Variants in C1orf198 observed in about 807,000 individuals in gnomAD.
The protein encoded by C1orf198 is chromosome 1 open reading frame 198, also known as uncharacterized protein C1orf198.
C1orf198 carries 17 observed loss-of-function variants against 31.4 expected under a neutral mutation model. The observed-to-expected ratio is 0.54, with a 90% confidence interval of 0.37 to 0.81. The LOEUF is 0.81. Among genes scored for constraint, C1orf198 ranks in the 40% least tolerant of loss-of-function variants. The pLI is 0.00. For synonymous variants in C1orf198, 175 were observed against 193.8 expected (o/e 0.90, Z 0.81); for missense variants, 401 against 450.3 (o/e 0.89, Z 0.99).
intron 2 of C1orf198, among the ~76,000 whole-genome samples, chr1:230,847,060 G>A (rs1441496014): frequency 7.6e-6 from 1 of 131,766 alleles, no homozygotes; most frequent in Non-Finnish European, 1.5e-5. Context: ...CCGAAATCCC[G>A]CCACTGCACT....
chr1:230,868,338 C>G lies in C1orf198; in HGVS notation c.175G>C (p.Ala59Pro). 2 of 1,595,740 alleles carry G rather than the reference C, an allele frequency of 1.3e-6. No individual in the cohort carries two copies. Among genetic ancestry groups the G allele is most frequent in the Non-Finnish European group, 1.7e-6 (2 of 1,172,028 alleles). ...KIREKYGPEW[A>P]RLPPAQQDEI... The stretch of plus-strand genomic sequence containing the variant: ...TCCTGCTGCGCGGGCGGCAGCCGCG[C>G]CCACTCGGGCCCGTACTTCTCGCGG... The change falls in exon 1 of 4, where the codon GCG (alanine) becomes CCG (proline). Residue 59 changes from alanine (A) to proline (P), a missense_variant. By Grantham distance (27) the Ala-to-Pro change is conservative. Transcript: ENST00000366663.
intron 2 of C1orf198, among the ~76,000 whole-genome samples, chr1:230,852,514 A>G (rs1375713236): frequency 6.6e-6 from 1 of 152,224 alleles, no homozygotes; most frequent in Non-Finnish European, 1.5e-5. Flanking sequence ...GTATCAAAAC[A>G]TCTTGTTGTA....
chr1:230,838,027 T>C lies in C1orf198; in HGVS notation c.*1825A>G, dbSNP rs551499566. 1.3e-5 allele frequency: 2 copies of C among 152,340 alleles called. No homozygotes were observed. Among genetic ancestry groups the C allele is most frequent in the Admixed American group, 6.5e-5 (1 of 15,304 alleles). 9.4% of individuals were successfully genotyped at this position (152,340 alleles called of 1,614,324 possible). On this transcript the variant is annotated 3_prime_UTR_variant, in exon 4 of 4. Coordinates refer to ENST00000366663, the MANE Select transcript of C1orf198 (RefSeq NM_032800.3). The surrounding 1 kb of genome is among the most constrained non-coding windows in gnomAD (Gnocchi z 4.2). ...ACCAACACTACAGAATACAAACTCA[T>C]ACATATACATTTGCTACCATAGGTT...
At chr1:230,868,080 CT>C in intron 1 of C1orf198, 99 bp downstream of exon 1, 1 of 1,229,142 alleles carries the variant, frequency 8.1e-7, no homozygotes, top group Non-Finnish European at 1.0e-6. Flanking sequence ...TTTCCAGCCC[CT>C]ACCAGCTGGG....
In C1orf198 at chr1:230,843,332, C is replaced by A; in HGVS notation, c.927+22G>T. On this transcript the variant is annotated intron_variant, in intron 3 of 3. Coordinates refer to ENST00000366663, the MANE Select transcript of C1orf198 (RefSeq NM_032800.3). This position sits in a 1 kb window ranked among gnomAD's most constrained non-coding sequence, Gnocchi z 4.9. ...AATAAGGCACCATCCCATCTGAGGA[C>A]GCGCTGGTAAAGGCCACTCACCTGT... 6.5e-7 allele frequency: 1 copy of A among 1,550,334 alleles called. No individual in the cohort carries two copies. The highest frequency in any genetic ancestry group is 8.7e-7 in the Non-Finnish European group (1 of 1,146,332).
At position 230,840,339 on chromosome 1, in the gene C1orf198, G is replaced by C. The variant is rs904387496; in HGVS notation, c.928-431C>G. Among the ~76,000 whole-genome samples, 1 of 152,176 alleles carries C rather than the reference G, an allele frequency of 6.6e-6. No homozygotes were observed. Among genetic ancestry groups the C allele is most frequent in the African/African-American group, 2.4e-5 (1 of 41,446 alleles). On this transcript the variant is annotated intron_variant, in intron 3 of 3. Coordinates refer to ENST00000366663, the MANE Select transcript of C1orf198 (RefSeq NM_032800.3). This position sits in a 1 kb window ranked among gnomAD's most constrained non-coding sequence, Gnocchi z 4.0. ...AAAAAGAACTTGTAAAGTTGAGAAA[G>C]TAAACATAGTGTGGAAAGAATGTGA...
intron 1 of C1orf198, among the ~76,000 whole-genome samples, chr1:230,861,553 C>T (rs1227110998): frequency 6.6e-6 from 1 of 152,204 alleles, no homozygotes; most frequent in East Asian, 1.9e-4. Flanking sequence ...ACGCCAACAG[C>T]GTGCAACGGG....
rs1292070097 is a variant in C1orf198 at position 230,868,322 on chromosome 1, G to T, written c.191C>A (p.Ala64Glu). ...CCGGTCGATGATCTCGTCCTGCTGC[G>T]CGGGCGGCAGCCGCGCCCACTCGGG... The part of the protein sequence containing the change: ...YGPEWARLPP[A>E]QQDEIIDRCL... Residue 64 changes from alanine (A) to glutamate (E), a missense_variant, in exon 1 of 4, where the codon GCG becomes GAG. Transcript: ENST00000366663. The T allele has an allele frequency of 3.1e-6, 5 of 1,596,002 alleles. No individual in the cohort carries two copies. The South Asian group carries it at 5.6e-5, about 18-fold the overall frequency.
intron 1 of C1orf198, among the ~76,000 whole-genome samples, chr1:230,860,085 T>C (rs1187934486): frequency 6.6e-6 from 1 of 152,182 alleles, no homozygotes; most frequent in East Asian, 1.9e-4. Context: ...TTGTTAAATA[T>C]CTTGTTTAAC....
upstream of C1orf198, chr1:230,868,525 C>T (rs537221937): frequency 3.8e-6 from 5 of 1,312,834 alleles, no homozygotes; most frequent in South Asian, 2.2e-5. Flanking sequence ...CCGGCCTGCC[C>T]GCCGCTCCCG....
chr1:230,842,119 G>T (rs1455676502), intron 3 of C1orf198, among the ~76,000 whole-genome samples: 1 of 152,194 alleles, frequency 6.6e-6, no homozygotes, highest in Admixed American at 6.5e-5. Flanking sequence ...TGGTTGCCAG[G>T]AGCTTGCGGG....
intron 1 of C1orf198, among the ~76,000 whole-genome samples, chr1:230,863,633 A>G (rs1670047509): frequency 6.6e-6 from 1 of 152,188 alleles, no homozygotes; most frequent in Non-Finnish European, 1.5e-5. Flanking sequence ...GTGCCTGGGG[A>G]GGAGAGGCCT....
In C1orf198 at chr1:230,838,867, T is replaced by C. The variant is rs1345691827; in HGVS notation, c.*985A>G. On this transcript the variant is annotated 3_prime_UTR_variant, in exon 4 of 4. Coordinates refer to ENST00000366663, the MANE Select transcript of C1orf198 (RefSeq NM_032800.3). This position sits in a 1 kb window ranked among gnomAD's most constrained non-coding sequence, Gnocchi z 4.2. ...GCAAACTCCACTCTTCCACTTCTGG[T>C]GGTGGTCAGGGCTGGGGAAGGTCCG... The C allele has an allele frequency of 6.6e-6, 1 of 152,376 alleles. No homozygotes were observed. Among genetic ancestry groups the C allele is most frequent in the African/African-American group, 2.4e-5 (1 of 41,446 alleles). 9.4% of individuals were successfully genotyped at this position (152,376 alleles called of 1,614,324 possible).
chr1:230,844,048 A>ACCATACCCACCACTCAG, intron 2 of C1orf198, 152 bp from the exon 3 acceptor site: 1 of 790,902 alleles, frequency 1.3e-6, no homozygotes, highest in Non-Finnish European at 1.9e-6. Flanking sequence ...GTCTGTCCTG[A>ACCATACCCACCACTCAG]GTGGTGGGTA....
intron 2 of C1orf198, among the ~76,000 whole-genome samples, chr1:230,852,091 C>T (rs1669761491): frequency 6.6e-6 from 1 of 152,184 alleles, no homozygotes; most frequent in Non-Finnish European, 1.5e-5. Context: ...GTCTGTTGAA[C>T]TGAATAGCTG....
chr1:230,867,840 G>A (rs1365914805), intron 1 of C1orf198, among the ~76,000 whole-genome samples: 10 of 152,168 alleles, frequency 6.6e-5, no homozygotes, highest in Admixed American at 6.5e-4. Flanking sequence ...TAAAACCCAG[G>A]CTTGTCTGGT....
At position 230,840,919 on chromosome 1, in the gene C1orf198, TA is replaced by T. The variant is rs1669421596; in HGVS notation, c.928-1012del. On this transcript the variant is annotated intron_variant, in intron 3 of 3. Coordinates refer to ENST00000366663, the MANE Select transcript of C1orf198 (RefSeq NM_032800.3). The surrounding 1 kb of genome is among the most constrained non-coding windows in gnomAD (Gnocchi z 4.0). ...TTGTTCTGGTTTCCTTCCAGTTTCT[TA>T]AATGCAGTGGCATTTCACTGTGCTT... is the stretch of plus-strand genomic sequence containing the variant. Among the ~76,000 whole-genome samples, 1 of 152,252 alleles carries T rather than the reference TA, an allele frequency of 6.6e-6. No individual in the cohort carries two copies. The highest frequency in any genetic ancestry group is 2.4e-5 in the African/African-American group (1 of 41,474).
At chr1:230,852,590 G>A (rs61131833) in intron 2 of C1orf198, among the ~76,000 whole-genome samples, 15,484 of 152,072 alleles carry the variant, frequency 0.1, 1,974 homozygotes, top group African/African-American at 0.3. Flanking sequence ...AAGAGTTCTC[G>A]AGATGGATGA....
rs71179741 is a variant in C1orf198 at position 230,847,102 on chromosome 1, CAAAAAAAAA to C, written c.385-3215_385-3207del. ...TGGGCGACAGAGCGAGACTCCGTCT[CAAAAAAAAA>C]AAAAAAAAAAAAAAAAAATCAGCCG... On this transcript the variant is annotated intron_variant, in intron 2 of 3. Coordinates refer to ENST00000366663, the MANE Select transcript of C1orf198 (RefSeq NM_032800.3). 3.4e-3 allele frequency among the ~76,000 whole-genome samples: 239 copies of C among 69,688 alleles called. 1 individual carries two copies. Among genetic ancestry groups the C allele is most frequent in the Middle Eastern group, 0.025 (3 of 120 alleles). 45.7% of individuals were successfully genotyped at this position (69,688 alleles called of 152,430 possible).
Sources: allele counts gnomAD v4.1 joint callset (sites outside exome capture counted in the v4.1 genomes callset), GRCh38; gene constraint gnomAD v4.1.1; non-coding constraint Gnocchi (gnomAD v3.1); transcripts MANE v1.5; gene names NCBI Gene and HGNC (gene_info 2026-07-23, HGNC 2026-07-21).